FAM120AOS: variants seen among roughly 807,000 people sequenced by gnomAD.
The protein encoded by FAM120AOS is family with sequence similarity 120 member A opposite strand, also known as uncharacterized protein FAM120AOS.
A neutral mutation model predicts 20.2 loss-of-function variants in FAM120AOS; 15 were observed. That is an observed-to-expected ratio of 0.74 (90% CI 0.50 to 1.15). The LOEUF (loss-of-function observed/expected upper bound fraction) is 1.15, where lower values mean the gene tolerates loss of function less well. Ranked by LOEUF, FAM120AOS falls within the 50% of genes most tolerant of loss-of-function variation. FAM120AOS has a pLI of 0.00. For synonymous variants in FAM120AOS, 154 were observed against 154.0 expected, an observed-to-expected ratio of 1.00 and a Z score of 0.00; for missense variants, 327 against 351.9, an observed-to-expected ratio of 0.93 and a Z score of 0.57.
intron 2 of FAM120AOS, among the ~76,000 whole-genome samples, chr9:93,448,743 G>T (rs906653786): frequency 2.6e-5 from 4 of 151,972 alleles, no homozygotes; most frequent in Admixed American, 6.6e-5. Context: ...TCAGCCTCCT[G>T]AGTAGCTGGG....
At chr9:93,450,384 T>C (rs1013967626) in intron 2 of FAM120AOS, 95 bp downstream of exon 2, 4 of 1,481,152 alleles carry the variant, frequency 2.7e-6, no homozygotes, top group Non-Finnish European at 3.6e-6. Flanking sequence ...AAATGTAACT[T>C]CCTAAAATAC....
At position 93,450,601 on chromosome 9, in the gene FAM120AOS, T is replaced by C. The variant is rs1166786138; in HGVS notation, c.564-2A>G. 1.9e-6 allele frequency: 3 copies of C among 1,604,542 alleles called. No homozygotes were observed. The highest frequency in any genetic ancestry group is 2.6e-6 in the Non-Finnish European group (3 of 1,176,264). On this transcript the variant is annotated splice_acceptor_variant, in intron 1 of 2. Coordinates refer to ENST00000375412, the MANE Select transcript of FAM120AOS (RefSeq NM_198841.4). LOFTEE classifies it high-confidence loss of function. ...CATCCTGCTCCTCTACAGAGGTTTC[T>C]CCAAAAAAAGAACAAATGGAGAGAT...
chr9:93,451,038 C>T, intron 1 of FAM120AOS: 26 of 1,550,396 alleles, frequency 1.7e-5, no homozygotes, highest in Non-Finnish European at 2.3e-5. Flanking sequence ...TGTCATTTGT[C>T]ATAGGTGTAA....
intron 2 of FAM120AOS, among the ~76,000 whole-genome samples, chr9:93,450,109 C>G (rs1253429561): frequency 6.6e-6 from 1 of 152,182 alleles, no homozygotes; most frequent in Non-Finnish European, 1.5e-5. Context: ...GCCTCAGCCT[C>G]CCAAGTAGCT....
intron 1 of FAM120AOS, chr9:93,451,664 G>C (rs1276433926): frequency 1.0e-6 from 1 of 980,330 alleles, no homozygotes; most frequent in Non-Finnish European, 1.2e-6. Context: ...CCCCGCCCCG[G>C]CCCTCAGCCT....
Position 93,453,140 on chromosome 9 carries a change from A to G in FAM120AOS, c.-431T>C. ...GTTCGGTTTTGTAGATCCCATGCGA[A>G]AGGAGTCGCTCAAAATCAGGGGGCG... On this transcript the variant is annotated 5_prime_UTR_variant, in exon 1 of 3. Transcript: ENST00000375412. 1.0e-6 allele frequency: 1 copy of G among 1,004,262 alleles called. No homozygotes were observed. The highest frequency in any genetic ancestry group is 1.2e-6 in the Non-Finnish European group (1 of 842,678). 62.2% of individuals were successfully genotyped at this position (1,004,262 alleles called of 1,614,324 possible).
chr9:93,446,358 C>T lies in FAM120AOS; in HGVS notation c.*1253G>A, dbSNP rs926024815. 1 of 152,138 alleles carries T rather than the reference C, an allele frequency of 6.6e-6. No individual in the cohort carries two copies. Among genetic ancestry groups the T allele is most frequent in the African/African-American group, 2.4e-5 (1 of 41,422 alleles). 9.4% of individuals were successfully genotyped at this position (152,138 alleles called of 1,614,324 possible). A position where few individuals can be genotyped will look rare whatever the true frequency, so the allele number is the denominator to read the frequency against. On this transcript the variant is annotated 3_prime_UTR_variant, in exon 3 of 3. Transcript: ENST00000375412. ...TGTTTTCATATTCTGGTATGAGAGA[C>T]TTGCTTCCTCTGGAAAGATCTTTAT...
In FAM120AOS at chr9:93,447,652, T is replaced by C. The variant is rs1181310472; in HGVS notation, c.730A>G (p.Thr244Ala). The C allele has an allele frequency of 6.2e-7, 1 of 1,613,916 alleles. No homozygotes were observed. Among genetic ancestry groups the C allele is most frequent in the Non-Finnish European group, 8.5e-7 (1 of 1,179,982 alleles). Residue 244 changes from threonine to alanine, a missense_variant, in exon 3 of 3, where the codon ACA becomes GCA. Transcript: ENST00000375412. ...AATGATCTTAGTGTTGGTGGTTTTGTGGTTTTCTTTGAGACTTTGTTATTG... is the reference window on the plus strand; with the variant it reads ...AATGATCTTAGTGTTGGTGGTTTTGCGGTTTTCTTTGAGACTTTGTTATTG... ...SVNNKVSKKT[T>A]KPPTLRSFLS... is the part of the protein sequence containing the mutation.
chr9:93,452,939 T>G lies in FAM120AOS; in HGVS notation c.-230A>C. 1 of 1,399,384 alleles carries G rather than the reference T, an allele frequency of 7.1e-7. No homozygotes were observed. 86.7% of individuals were successfully genotyped at this position (1,399,384 alleles called of 1,614,324 possible). On this transcript the variant is annotated 5_prime_UTR_variant, in exon 1 of 3. Transcript: ENST00000375412. The surrounding 1 kb of genome is among the most constrained non-coding windows in gnomAD (Gnocchi z 7.0). ...ACAGCGAGACGTGTCTAAGGGCCAG[T>G]GCCCTGGCCTCTACTTCAGAACGCA...
rs1588736465 is a variant in FAM120AOS, at chr9:93,446,356, G to T, written c.*1255C>A. On this transcript the variant is annotated 3_prime_UTR_variant, in exon 3 of 3. Transcript: ENST00000375412. ...AGTGTTTTCATATTCTGGTATGAGA[G>T]ACTTGCTTCCTCTGGAAAGATCTTT... 6.6e-6 allele frequency: 1 copy of T among 152,152 alleles called. No individual in the cohort carries two copies. The highest frequency in any genetic ancestry group is 1.5e-5 in the Non-Finnish European group (1 of 68,022). The allele number at this position is 152,152 out of a possible 1,614,324, so 9.4% of individuals were successfully genotyped here.
At position 93,444,595 on chromosome 9, in the gene FAM120AOS, A is replaced by C. The variant is rs959312068; in HGVS notation, c.*3016T>G. On this transcript the variant is annotated 3_prime_UTR_variant, in exon 3 of 3. Transcript: ENST00000375412. ...TACGGAAATGTCACAGTATGTTTTG[A>C]GGCCAGTAAGGAGTTCTGCTTTTTT... Among the ~76,000 whole-genome samples, 18 of 150,482 alleles carry C rather than the reference A, an allele frequency of 1.2e-4. No homozygotes were observed. The highest frequency in any genetic ancestry group is 3.7e-4 in the African/African-American group (15 of 40,988).
chr9:93,449,395 G>A (rs1433931450), intron 2 of FAM120AOS, among the ~76,000 whole-genome samples: 1 of 151,778 alleles, frequency 6.6e-6, no homozygotes, highest in Non-Finnish European at 1.5e-5. Context: ...CTTATCATAA[G>A]ATGGATATTG....
rs771846281 is a variant in FAM120AOS at position 93,452,086 on chromosome 9, C to G, written c.563+61G>C. ...ACGCCGACAACTGCCTGCACCGCCT[C>G]TACGGCGGCTTCTACACCGACTGGG... On this transcript the variant is annotated intron_variant, in intron 1 of 2. Coordinates refer to ENST00000375412, the MANE Select transcript of FAM120AOS (RefSeq NM_198841.4). This position sits in a 1 kb window ranked among gnomAD's most constrained non-coding sequence, Gnocchi z 7.0. 4 of 1,607,656 alleles carry G rather than the reference C, an allele frequency of 2.5e-6. No individual in the cohort carries two copies. The East Asian group carries it at 6.7e-5, about 27-fold the overall frequency.
Position 93,452,248 on chromosome 9 carries a change from G to T in FAM120AOS, c.462C>A (p.Cys154Ter). ...CCCGGCTGCACGAGTGGGTCAAGCG[G>T]CAGGGCAACGAGCGCCAGACGGCAC... ...ICCAVWRSLP[C>*]RLTHSCSRAF... The change falls in exon 1 of 3, where the codon TGC becomes TGA. Residue 154 changes from cysteine (C) to a stop codon, truncating the protein, a stop_gained. Transcript: ENST00000375412. LOFTEE classifies it high-confidence loss of function. The surrounding 1 kb of genome is among the most constrained non-coding windows in gnomAD (Gnocchi z 7.0). The T allele has an allele frequency of 6.2e-7, 1 of 1,610,746 alleles. No individual in the cohort carries two copies. Among genetic ancestry groups the T allele is most frequent in the South Asian group, 1.1e-5 (1 of 90,836 alleles).
At position 93,445,197 on chromosome 9, in the gene FAM120AOS, T is replaced by TG. The variant is rs76767782; in HGVS notation, c.*2413dup. Among the ~76,000 whole-genome samples the TG allele has an allele frequency of 0.032, 4,946 of 152,240 alleles. 115 individuals are homozygous for TG. Among genetic ancestry groups the TG allele is most frequent in the Admixed American group, 0.072 (1,108 of 15,288 alleles). The stretch of plus-strand genomic sequence containing the variant: ...TACCAAACATGTAAGACATGTTATT[T>TG]GGGGATATTCAGCATTCCTTTTCCC... On this transcript the variant is annotated 3_prime_UTR_variant, in exon 3 of 3. Transcript: ENST00000375412.
intron 2 of FAM120AOS, 76 bp from the exon 3 acceptor site, chr9:93,447,773 C>T (rs893253639): frequency 7.9e-7 from 1 of 1,273,166 alleles, no homozygotes; most frequent in Non-Finnish European, 1.1e-6. Flanking sequence ...TCTCCAGAGT[C>T]CGAATATTGA....
Position 93,453,552 on chromosome 9 carries a change from G to GC in FAM120AOS, c.-844dup. 2 of 985,418 alleles carry GC rather than the reference G, an allele frequency of 2.0e-6. No homozygotes were observed. The highest frequency in any genetic ancestry group is 2.4e-6 in the Non-Finnish European group (2 of 829,936). 61.0% of individuals were successfully genotyped at this position (985,418 alleles called of 1,614,324 possible). The stretch of plus-strand genomic sequence containing the variant: ...TTCTGTCTTCGCGGTTGCCCCCACT[G>GC]CCCGCGAGGAGATGGTGGTAGTTAA... On this transcript the variant is annotated 5_prime_UTR_variant, in exon 1 of 3. Coordinates refer to ENST00000375412, the MANE Select transcript of FAM120AOS (RefSeq NM_198841.4).
chr9:93,450,961 G>C, intron 1 of FAM120AOS: 1 of 1,420,640 alleles, frequency 7.0e-7, no homozygotes. Context: ...TCTCAAGACA[G>C]TCTCTTCCGT....
chr9:93,452,763 C>T lies in FAM120AOS; in HGVS notation c.-54G>A. ...ACCTTCAACTTTGACAAAATACTCC[C>T]TTTTCTAATTTAGCCTGTTCTTTCC... is the stretch of plus-strand genomic sequence containing the variant. On this transcript the variant is annotated 5_prime_UTR_variant, in exon 1 of 3. Coordinates refer to ENST00000375412, the MANE Select transcript of FAM120AOS (RefSeq NM_198841.4). This position sits in a 1 kb window ranked among gnomAD's most constrained non-coding sequence, Gnocchi z 7.0. The T allele has an allele frequency of 1.3e-6, 2 of 1,596,878 alleles. No individual in the cohort carries two copies. Among genetic ancestry groups the T allele is most frequent in the Non-Finnish European group, 1.7e-6 (2 of 1,179,486 alleles).
Sources: gnomAD v4.1 joint callset for allele counts (sites outside exome capture counted in the v4.1 genomes callset) on GRCh38, gnomAD v4.1.1 for gene constraint, Gnocchi (gnomAD v3.1) non-coding constraint, MANE v1.5 for transcripts, NCBI Gene and HGNC (gene_info 2026-07-23, HGNC 2026-07-21) for gene names.